Variants in CDC42BPB observed in about 807,000 individuals in gnomAD.
The protein encoded by CDC42BPB is serine/threonine-protein kinase MRCK beta.
In CDC42BPB, 37 loss-of-function variants were observed where a neutral mutation model predicts 214.9. The ratio of observed to expected loss-of-function variants is 0.17; its 90% CI spans 0.13 to 0.23. CDC42BPB has a LOEUF of 0.23. Among genes scored for constraint, CDC42BPB ranks in the 10% least tolerant of loss-of-function variants. CDC42BPB has a pLI of 1.00. For synonymous variants in CDC42BPB, 931 were observed against 884.0 expected (o/e 1.05, Z -0.94); for missense variants, 1,694 against 2,227.0 (o/e 0.76, Z 4.82).
chr14:102,977,130 A>G lies in CDC42BPB; in HGVS notation c.1220+996T>C, dbSNP rs529937440. ...GCCGAGGCGGGGAGATCACGAGGTC[A>G]GGAGATCGAGACCATCTGGCCAATA... On this transcript the variant is annotated intron_variant, in intron 9 of 36. Transcript: ENST00000361246. Among the ~76,000 whole-genome samples, 248 of 152,214 alleles carry G rather than the reference A, an allele frequency of 1.6e-3. 2 individuals carry two copies. The highest frequency in any genetic ancestry group is 5.8e-3 in the African/African-American group (240 of 41,528).
Position 102,980,623 on chromosome 14 carries a change from C to T in CDC42BPB, c.1140+150G>A, listed in dbSNP as rs541072047. 14 of 676,132 alleles carry T rather than the reference C, an allele frequency of 2.1e-5. No homozygotes were observed. In the East Asian group the frequency reaches 3.4e-4, roughly 17 times the overall value. 41.9% of individuals were successfully genotyped at this position (676,132 alleles called of 1,614,324 possible). On this transcript the variant is annotated intron_variant, in intron 8 of 36. Coordinates refer to ENST00000361246, the MANE Select transcript of CDC42BPB (RefSeq NM_006035.4). ...CATTTTTTAAAGGAATATTAAGGACCCAGCTGAAGGCTGGAATAAAAAGCA... is the reference window on the plus strand; with the variant it reads ...CATTTTTTAAAGGAATATTAAGGACTCAGCTGAAGGCTGGAATAAAAAGCA...
chr14:102,972,206 G>C (rs1595480933), intron 12 of CDC42BPB, 45 bp from the exon 13 acceptor site: 1 of 1,598,300 alleles, frequency 6.3e-7, no homozygotes, highest in East Asian at 2.2e-5. Flanking sequence ...CCTAACAAAG[G>C]CTTGGAAGGC....
chr14:103,053,614 T>G (rs1302239582), intron 1 of CDC42BPB, among the ~76,000 whole-genome samples: 1 of 150,330 alleles, frequency 6.7e-6, no homozygotes, highest in East Asian at 2.0e-4. Context: ...ACAAAAAAAT[T>G]AGCCAGGCGT....
Position 102,964,491 on chromosome 14 carries a change from G to A in CDC42BPB, c.2726+11C>T. ...TGCTCCTACCTGGAGTCAGACCCTG[G>A]CACCAAGTACCTTTCCAAGGTGAGG... is the stretch of plus-strand genomic sequence containing the variant. On this transcript the variant is annotated intron_variant, in intron 19 of 36. Transcript: ENST00000361246. The A allele has an allele frequency of 6.2e-7, 1 of 1,612,640 alleles. No individual in the cohort carries two copies. Among genetic ancestry groups the A allele is most frequent in the Non-Finnish European group, 8.5e-7 (1 of 1,179,684 alleles).
chr14:102,989,983 C>T (rs564065568), intron 5 of CDC42BPB, among the ~76,000 whole-genome samples: 1 of 151,976 alleles, frequency 6.6e-6, no homozygotes, highest in South Asian at 2.1e-4. Context: ...AACAAGAAAA[C>T]GCCTGCATGG....
chr14:102,959,066 G>A (rs1003550474), intron 21 of CDC42BPB, among the ~76,000 whole-genome samples: 3 of 151,982 alleles, frequency 2.0e-5, no homozygotes, highest in African/African-American at 7.2e-5. Flanking sequence ...GGAGGCCAAG[G>A]TGGGTGGATC....
chr14:103,035,625 G>C (rs1182827723), intron 1 of CDC42BPB, among the ~76,000 whole-genome samples: 4 of 151,964 alleles, frequency 2.6e-5, no homozygotes, highest in Admixed American at 1.3e-4. Context: ...TGGATCACGA[G>C]GTCAGGAGAT....
intron 25 of CDC42BPB, 68 bp from the exon 26 acceptor site, chr14:102,949,972 C>G: frequency 6.3e-7 from 1 of 1,588,186 alleles, no homozygotes; most frequent in Non-Finnish European, 8.6e-7. Flanking sequence ...CCATTACACT[C>G]GTTCACAATC....
chr14:102,950,352 G>T, intron 25 of CDC42BPB, 114 bp downstream of exon 25: 1 of 1,385,194 alleles, frequency 7.2e-7, no homozygotes, highest in Non-Finnish European at 1.0e-6. Context: ...CCTAGGACTG[G>T]CACCAGGGCC....
chr14:102,991,247 C>T, intron 5 of CDC42BPB, among the ~76,000 whole-genome samples: 1 of 152,190 alleles, frequency 6.6e-6, no homozygotes, highest in East Asian at 1.9e-4. Context: ...TATAGCTATA[C>T]ACACACATTC....
Position 102,944,386 on chromosome 14 carries a change from G to C in CDC42BPB, c.3913C>G (p.Leu1305Val), listed in dbSNP as rs1162776652. The C allele has an allele frequency of 6.2e-7, 1 of 1,613,158 alleles. No individual in the cohort carries two copies. The highest frequency in any genetic ancestry group is 2.2e-5 in the East Asian group (1 of 44,876). ...LLCGRNHHVH[L>V]YPWSSLDGAE... is the part of the protein sequence containing the mutation. ...CCATCAAGGGACGACCACGGATAGA[G>C]GTGCACATGGTGGTTCCGGCCACAG... Residue 1305 changes from leucine to valine, a missense_variant, in exon 30 of 37, where the codon CTC (leucine) becomes GTC (valine). Transcript: ENST00000361246. The surrounding 1 kb of genome is among the most constrained non-coding windows in gnomAD (Gnocchi z 6.6).
chr14:102,966,802 G>A (rs930741393), intron 17 of CDC42BPB, among the ~76,000 whole-genome samples: 2 of 152,204 alleles, frequency 1.3e-5, no homozygotes, highest in South Asian at 2.1e-4. Flanking sequence ...CTCTGAGAAC[G>A]CAAGGGGTGT....
intron 26 of CDC42BPB, among the ~76,000 whole-genome samples, chr14:102,949,422 C>T (rs553452212): frequency 5.9e-5 from 9 of 152,034 alleles, no homozygotes; most frequent in Non-Finnish European, 1.0e-4. Context: ...GGCTGTGGGC[C>T]GCGTGGCTTT....
At chr14:102,954,479 T>C (rs1027638591) in intron 22 of CDC42BPB, 123 bp downstream of exon 22, 3 of 1,381,640 alleles carry the variant, frequency 2.2e-6, no homozygotes, top group Admixed American at 2.8e-5. Context: ...AAGGTGGGCT[T>C]GAGCACCTGG....
chr14:103,027,045 G>C (rs1887094358), intron 1 of CDC42BPB, among the ~76,000 whole-genome samples: 1 of 152,134 alleles, frequency 6.6e-6, no homozygotes, highest in South Asian at 2.1e-4. Flanking sequence ...TTTCTCCAAA[G>C]AAGATATATT....
intron 1 of CDC42BPB, among the ~76,000 whole-genome samples, chr14:103,038,849 C>T (rs1454933570): frequency 1.3e-5 from 2 of 151,122 alleles, no homozygotes; most frequent in Admixed American, 1.3e-4. Flanking sequence ...GTAAAATATA[C>T]GTAACATAAA....
At chr14:103,014,881 G>GA (rs1886367397) in intron 1 of CDC42BPB, among the ~76,000 whole-genome samples, 1 of 152,044 alleles carries the variant, frequency 6.6e-6, no homozygotes, top group South Asian at 2.1e-4. Flanking sequence ...ACAAAAAACA[G>GA]TGAAGACAAA....
In CDC42BPB at chr14:102,953,812, C is replaced by A. The variant is rs926362746; in HGVS notation, c.3066+386G>T. ...CGTTTATGCTGGGAGTCATTCTCAC[C>A]CACCAGCCACATGGTTCTGTAAGGT... On this transcript the variant is annotated intron_variant, in intron 23 of 36. Coordinates refer to ENST00000361246, the MANE Select transcript of CDC42BPB (RefSeq NM_006035.4). Among the ~76,000 whole-genome samples the A allele has an allele frequency of 3.3e-5, 5 of 152,176 alleles. No individual in the cohort carries two copies. The East Asian group carries it at 9.6e-4, about 29-fold the overall frequency.
intron 5 of CDC42BPB, among the ~76,000 whole-genome samples, chr14:102,989,767 G>C (rs1057245837): frequency 6.6e-6 from 1 of 151,740 alleles, no homozygotes; most frequent in Non-Finnish European, 1.5e-5. Flanking sequence ...GCTGAGGCAG[G>C]AGAATCACTT....
Sources: allele counts gnomAD v4.1 joint callset (sites outside exome capture counted in the v4.1 genomes callset), GRCh38; gene constraint gnomAD v4.1.1; non-coding constraint Gnocchi (gnomAD v3.1); transcripts MANE v1.5; gene names NCBI Gene and HGNC (gene_info 2026-07-23, HGNC 2026-07-21).